CACNG3: variants seen among roughly 807,000 people sequenced by gnomAD.
The protein encoded by CACNG3 is voltage-dependent calcium channel gamma-3 subunit.
Under a neutral mutation model 28.5 loss-of-function variants are expected in CACNG3, and 3 were observed. The observed-to-expected ratio is 0.11, with a 90% CI of 0.05 to 0.27. CACNG3 has a LOEUF of 0.27. CACNG3 is among the 10% of genes least tolerant of loss of function. The pLI is 1.00. For missense variants in CACNG3, 236 were observed against 414.4 expected (o/e 0.57, Z 3.74); for synonymous variants, 174 against 162.2 (o/e 1.07, Z -0.55).
At chr16:24,290,287 G>C (rs1479970521) in intron 1 of CACNG3, among the ~76,000 whole-genome samples, 1 of 152,162 alleles carries the variant, frequency 6.6e-6, no homozygotes, top group East Asian at 1.9e-4. Context: ...GACTAAGGAA[G>C]AAAACATGGG....
At chr16:24,323,193 T>C (rs1389950677) in intron 1 of CACNG3, among the ~76,000 whole-genome samples, 1 of 130,286 alleles carries the variant, frequency 7.7e-6, no homozygotes, top group African/African-American at 3.0e-5. Context: ...AGCCACTACA[T>C]TCAGCCTGGG....
intron 1 of CACNG3, among the ~76,000 whole-genome samples, chr16:24,258,857 A>G (rs1898502532): frequency 6.6e-6 from 1 of 152,242 alleles, no homozygotes; most frequent in Non-Finnish European, 1.5e-5. Flanking sequence ...ACAATTAAAA[A>G]TGAAGTTTGA....
chr16:24,271,443 C>T (rs1184460134), intron 1 of CACNG3, among the ~76,000 whole-genome samples: 1 of 152,160 alleles, frequency 6.6e-6, no homozygotes, highest in African/African-American at 2.4e-5. Context: ...TCTTGCAAAG[C>T]TCCTAGAATC....
chr16:24,298,828 A>G (rs993091007), intron 1 of CACNG3, among the ~76,000 whole-genome samples: 1 of 152,166 alleles, frequency 6.6e-6, no homozygotes, highest in Non-Finnish European at 1.5e-5. Flanking sequence ...AGTGCTAGCT[A>G]GTTATTCTGT....
intron 1 of CACNG3, among the ~76,000 whole-genome samples, chr16:24,265,715 TA>T (rs1898601587): frequency 6.6e-6 from 1 of 152,132 alleles, no homozygotes; most frequent in South Asian, 2.1e-4. Context: ...TCATGACAAA[TA>T]AAAAAGATAT....
chr16:24,356,299 G>T (rs1295345851), intron 3 of CACNG3, among the ~76,000 whole-genome samples: 1 of 152,138 alleles, frequency 6.6e-6, no homozygotes. Flanking sequence ...AGGAAGAGTG[G>T]CTTGCAACCC....
chr16:24,353,150 AT>A (rs1457654879), intron 2 of CACNG3, among the ~76,000 whole-genome samples: 1 of 151,504 alleles, frequency 6.6e-6, no homozygotes, highest in East Asian at 2.0e-4. Flanking sequence ...TGATTTTTGT[AT>A]TTTTAGTAGA....
At chr16:24,332,565 T>C (rs1899645239) in intron 1 of CACNG3, among the ~76,000 whole-genome samples, 1 of 152,170 alleles carries the variant, frequency 6.6e-6, no homozygotes, top group Admixed American at 6.5e-5. Flanking sequence ...AACTGACTCG[T>C]TGTTCTCTTA....
chr16:24,309,998 G>C (rs1899238630), intron 1 of CACNG3, among the ~76,000 whole-genome samples: 1 of 152,188 alleles, frequency 6.6e-6, no homozygotes, highest in Non-Finnish European at 1.5e-5. Flanking sequence ...CATGTGAAGT[G>C]GCTTTGTGTG....
At chr16:24,278,036 G>A (rs1286140647) in intron 1 of CACNG3, among the ~76,000 whole-genome samples, 1 of 152,140 alleles carries the variant, frequency 6.6e-6, no homozygotes, top group Non-Finnish European at 1.5e-5. Context: ...TTAAACTGTG[G>A]TCAGGTCCCA....
At chr16:24,297,894 G>A (rs1238145467) in intron 1 of CACNG3, among the ~76,000 whole-genome samples, 6 of 152,072 alleles carry the variant, frequency 3.9e-5, no homozygotes, top group African/African-American at 1.4e-4. Context: ...GGGAAAGACT[G>A]GATCATACCC....
intron 1 of CACNG3, among the ~76,000 whole-genome samples, chr16:24,289,849 G>C (rs757490306): frequency 9.2e-5 from 14 of 152,226 alleles, no homozygotes; most frequent in Admixed American, 3.9e-4. Context: ...GATCAGGCGA[G>C]TTCATCCTTA....
intron 1 of CACNG3, among the ~76,000 whole-genome samples, chr16:24,312,657 T>A (rs990471211): frequency 3.3e-4 from 50 of 150,826 alleles, no homozygotes; most frequent in Non-Finnish European, 5.3e-4. Flanking sequence ...CTCTTAAAAA[T>A]TTTTTTTTTA....
intron 2 of CACNG3, among the ~76,000 whole-genome samples, chr16:24,351,341 G>T (rs1408001704): frequency 6.6e-6 from 1 of 152,068 alleles, no homozygotes; most frequent in Admixed American, 6.6e-5. Flanking sequence ...GGAGGCCAAA[G>T]CGGGTGGATC....
intron 1 of CACNG3, among the ~76,000 whole-genome samples, chr16:24,259,146 A>G (rs1289678594): frequency 1.3e-5 from 2 of 152,270 alleles, no homozygotes; most frequent in African/African-American, 4.8e-5. Flanking sequence ...TGCAGTCCCC[A>G]TACAACTTGG....
intron 3 of CACNG3, among the ~76,000 whole-genome samples, chr16:24,356,544 G>C (rs1052746577): frequency 2.6e-5 from 4 of 152,094 alleles, no homozygotes; most frequent in Non-Finnish European, 5.9e-5. Context: ...CTGCACAAAA[G>C]TTTAAAAATT....
chr16:24,320,648 G>A (rs2141369688), intron 1 of CACNG3, among the ~76,000 whole-genome samples: 1 of 152,204 alleles, frequency 6.6e-6, no homozygotes, highest in South Asian at 2.1e-4. Context: ...CACTTTCCTT[G>A]TTTTCAGTTA....
intron 1 of CACNG3, among the ~76,000 whole-genome samples, chr16:24,257,184 G>T (rs1306238596): frequency 1.3e-5 from 2 of 151,956 alleles, no homozygotes; most frequent in East Asian, 3.9e-4. Context: ...CATGAGATGA[G>T]ATTTTTGTCA....
At chr16:24,277,350 G>T (rs543932588) in intron 1 of CACNG3, among the ~76,000 whole-genome samples, 1 of 152,264 alleles carries the variant, frequency 6.6e-6, no homozygotes, top group African/African-American at 2.4e-5. Flanking sequence ...GGGGATCAGG[G>T]AAGCACAACC....
Sources: allele counts gnomAD v4.1 joint callset (sites outside exome capture counted in the v4.1 genomes callset), GRCh38; gene constraint gnomAD v4.1.1; transcripts MANE v1.5; gene names NCBI Gene and HGNC (gene_info 2026-07-23, HGNC 2026-07-21).